The following MACROD2 variants were observed in gnomAD, a reference collection of about 807,000 sequenced individuals.
The protein encoded by MACROD2 is mono-ADP ribosylhydrolase 2, also known as ADP-ribose glycohydrolase MACROD2.
In MACROD2, 36 loss-of-function variants were observed where a neutral mutation model predicts 70.4. The observed-to-expected ratio is 0.51, with a 90% CI of 0.39 to 0.68. The LOEUF is 0.68. MACROD2 is among the 30% of genes least tolerant of loss of function. The pLI is 0.00. For synonymous variants in MACROD2, 172 were observed against 178.8 expected (o/e 0.96, Z 0.30); for missense variants, 496 against 538.4 (o/e 0.92, Z 0.78).
chr20:15,651,912 T>C (rs2049650881), intron 8 of MACROD2, among the ~76,000 whole-genome samples: 1 of 152,200 alleles, frequency 6.6e-6, no homozygotes, highest in Admixed American at 6.5e-5. Context: ...CTTTGCATTT[T>C]AGTAAGAGCC....
chr20:14,975,924 G>C (rs1056008301), intron 5 of MACROD2, among the ~76,000 whole-genome samples: 1 of 152,172 alleles, frequency 6.6e-6, no homozygotes, highest in Non-Finnish European at 1.5e-5. Context: ...TGTTTGACAG[G>C]AGGTGGATTA....
At chr20:15,810,642 CA>C (rs1196368761) in intron 8 of MACROD2, among the ~76,000 whole-genome samples, 3 of 152,148 alleles carry the variant, frequency 2.0e-5, no homozygotes, top group African/African-American at 7.2e-5. Flanking sequence ...AATCCTAAGC[CA>C]AAAGAACGAA....
At chr20:14,309,383 G>T (rs897858659) in intron 3 of MACROD2, among the ~76,000 whole-genome samples, 1 of 151,952 alleles carries the variant, frequency 6.6e-6, no homozygotes, top group Non-Finnish European at 1.5e-5. Context: ...AAAGTAAAAA[G>T]AAAAAAGTGC....
chr20:15,286,522 G>A (rs556394108), intron 6 of MACROD2, among the ~76,000 whole-genome samples: 2 of 116,116 alleles, frequency 1.7e-5, no homozygotes, highest in African/African-American at 6.6e-5. Flanking sequence ...ACTGGAGGTG[G>A]GGAGGAGAAC....
Position 14,785,174 on chromosome 20 carries a change from A to ACAC in MACROD2, c.418+100215_418+100216insCAC, listed in dbSNP as rs61220580. ...TGTCAGTCTCTCATGAACACACACA[A>ACAC]ACACACACACACCCACACACACACG... On this transcript the variant is annotated intron_variant, in intron 5 of 17. Transcript: ENST00000684519. 9.2e-3 allele frequency among the ~76,000 whole-genome samples: 1,387 copies of ACAC among 150,986 alleles called. 27 individuals are homozygous for ACAC. Among genetic ancestry groups the ACAC allele is most frequent in the African/African-American group, 0.032 (1,320 of 40,716 alleles).
intron 6 of MACROD2, among the ~76,000 whole-genome samples, chr20:15,255,778 T>G (rs1041232974): frequency 6.6e-6 from 1 of 152,108 alleles, no homozygotes; most frequent in Non-Finnish European, 1.5e-5. Context: ...GTATGTCTGA[T>G]CCCAGGATTG....
At chr20:14,069,319 G>A (rs904947203) in intron 2 of MACROD2, among the ~76,000 whole-genome samples, 1 of 152,068 alleles carries the variant, frequency 6.6e-6, no homozygotes, top group Admixed American at 6.6e-5. Flanking sequence ...TTACAACTTA[G>A]ATTTCCTTTT....
At chr20:15,964,855 G>A (rs1384133934) in intron 12 of MACROD2, among the ~76,000 whole-genome samples, 1 of 152,176 alleles carries the variant, frequency 6.6e-6, no homozygotes, top group Non-Finnish European at 1.5e-5. Flanking sequence ...ATATTGTCAT[G>A]AGGTTATATA....
intron 6 of MACROD2, among the ~76,000 whole-genome samples, chr20:15,349,259 G>C (rs1442593876): frequency 6.6e-6 from 1 of 152,082 alleles, no homozygotes; most frequent in African/African-American, 2.4e-5. Context: ...CAGTGTATTT[G>C]CTAGAAATGT....
Position 15,867,951 on chromosome 20 carries a change from C to A in MACROD2, c.727+5125C>A, listed in dbSNP as rs577969362. 1.8e-4 allele frequency among the ~76,000 whole-genome samples: 28 copies of A among 152,214 alleles called. No individual in the cohort carries two copies. The East Asian group carries it at 3.9e-3, about 21-fold the overall frequency. On this transcript the variant is annotated intron_variant, in intron 9 of 17. Transcript: ENST00000684519. ...TCTGAGGCATTTTTGTTTTTCACAG[C>A]TGAGGGATGGGAGAGGTTACTGTGC...
Position 14,757,868 on chromosome 20 carries a change from C to A in MACROD2, c.418+72909C>A. On this transcript the variant is annotated intron_variant, in intron 5 of 17. Transcript: ENST00000684519. The stretch of plus-strand genomic sequence containing the variant: ...CCGTAGCCGTCCAGGGACTGGCAGG[C>A]CTCGGCCTAAAGGTCTGAAGGGTGA... 7 of 1,495,408 alleles carry A rather than the reference C, an allele frequency of 4.7e-6. No individual in the cohort carries two copies. The South Asian group carries it at 7.9e-5, about 17-fold the overall frequency. 92.6% of individuals were successfully genotyped at this position (1,495,408 alleles called of 1,614,324 possible).
intron 8 of MACROD2, among the ~76,000 whole-genome samples, chr20:15,620,943 G>A (rs1245929621): frequency 1.3e-5 from 2 of 152,074 alleles, no homozygotes; most frequent in South Asian, 2.1e-4. Context: ...ACATATGGTT[G>A]GTATTGGTTT....
At chr20:14,015,289 T>G (rs2052972414) in intron 2 of MACROD2, among the ~76,000 whole-genome samples, 1 of 152,176 alleles carries the variant, frequency 6.6e-6, no homozygotes, top group South Asian at 2.1e-4. Flanking sequence ...TATTCCCAGA[T>G]AGAAACTTTG....
At chr20:14,729,562 T>C (rs1415007177) in intron 5 of MACROD2, among the ~76,000 whole-genome samples, 1 of 152,120 alleles carries the variant, frequency 6.6e-6, no homozygotes, top group Non-Finnish European at 1.5e-5. Context: ...CCAGGGCCCA[T>C]GCAAGGTGAG....
At chr20:14,441,344 A>C (rs1162830123) in intron 3 of MACROD2, among the ~76,000 whole-genome samples, 1 of 152,126 alleles carries the variant, frequency 6.6e-6, no homozygotes, top group Non-Finnish European at 1.5e-5. Flanking sequence ...TTCATAAGTA[A>C]TCCCAGGCAA....
At chr20:15,470,608 C>T (rs1317980398) in intron 7 of MACROD2, among the ~76,000 whole-genome samples, 1 of 152,140 alleles carries the variant, frequency 6.6e-6, no homozygotes, top group Non-Finnish European at 1.5e-5. Context: ...CCCATCTTGG[C>T]TTGTGTCCAC....
In MACROD2 at chr20:14,505,146, G is replaced by A. The variant is rs193124821; in HGVS notation, c.301+11638G>A. ...AATTCAGTTCTGTTTTTGAAAAGTAGCTTTTAGGAACATATGTACCAGTTA... is the reference window on the plus strand; with the variant it reads ...AATTCAGTTCTGTTTTTGAAAAGTAACTTTTAGGAACATATGTACCAGTTA... On this transcript the variant is annotated intron_variant, in intron 4 of 17. Transcript: ENST00000684519. 5.3e-5 allele frequency among the ~76,000 whole-genome samples: 8 copies of A among 152,262 alleles called. No homozygotes were observed. In the East Asian group the frequency reaches 1.5e-3, roughly 29 times the overall value.
intron 5 of MACROD2, among the ~76,000 whole-genome samples, chr20:14,975,178 T>G (rs890720543): frequency 2.6e-5 from 4 of 151,656 alleles, no homozygotes; most frequent in Non-Finnish European, 5.9e-5. Context: ...AGGGGCAGGG[T>G]GCCAAAGCAA....
intron 3 of MACROD2, among the ~76,000 whole-genome samples, chr20:14,201,042 T>A (rs1483648859): frequency 6.6e-6 from 1 of 152,134 alleles, no homozygotes; most frequent in Non-Finnish European, 1.5e-5. Context: ...CAATTTTACT[T>A]CTTTTGTGAT....
Sources: gnomAD v4.1 joint callset for allele counts (sites outside exome capture counted in the v4.1 genomes callset) on GRCh38, gnomAD v4.1.1 for gene constraint, MANE v1.5 for transcripts, NCBI Gene and HGNC (gene_info 2026-07-23, HGNC 2026-07-21) for gene names.